The following TMEM14B variants were observed in gnomAD, a reference collection of about 807,000 sequenced individuals.
TMEM14B encodes the protein transmembrane protein 14B.
Under a neutral mutation model 14.8 loss-of-function variants are expected in TMEM14B, and 9 were observed. The observed-to-expected ratio is 0.61, with a 90% CI of 0.37 to 1.06. TMEM14B has a LOEUF of 1.06. Ranked by LOEUF, TMEM14B falls within the 50% of genes least tolerant of loss-of-function variation. The probability of loss-of-function intolerance (pLI) is 0.01; values close to 1 mark genes in which losing one functional copy is unlikely to be tolerated. For synonymous variants in TMEM14B, 40 were observed against 51.3 expected (o/e 0.78, Z 0.94); for missense variants, 128 against 143.6 (o/e 0.89, Z 0.56).
At chr6:10,749,814 A>G in intron 3 of TMEM14B, 116 bp downstream of exon 3, 6 of 1,219,030 alleles carry the variant, frequency 4.9e-6, no homozygotes, top group Admixed American at 1.7e-5. Context: ...TAGGTCCCCA[A>G]GCTGGAGTGC....
chr6:10,756,432 T>C, intron 5 of TMEM14B, 35 bp from the exon 6 acceptor site: 1 of 1,611,984 alleles, frequency 6.2e-7, no homozygotes, highest in Non-Finnish European at 8.5e-7. Context: ...TTCTATCCTT[T>C]ACCTGATGTT....
intron 4 of TMEM14B, among the ~76,000 whole-genome samples, chr6:10,754,056 C>G (rs556948658): frequency 6.6e-6 from 1 of 152,022 alleles, no homozygotes; most frequent in African/African-American, 2.4e-5. Flanking sequence ...GGCGGATTGC[C>G]GAGCTCAGGA....
intron 5 of TMEM14B, 44 bp from the exon 6 acceptor site, chr6:10,756,423 T>G: frequency 1.2e-6 from 2 of 1,609,384 alleles, no homozygotes; most frequent in Non-Finnish European, 1.7e-6. Flanking sequence ...AGTTGCCTGT[T>G]CTATCCTTTA....
chr6:10,754,817 G>A (rs1309540287), intron 4 of TMEM14B, among the ~76,000 whole-genome samples: 9 of 152,240 alleles, frequency 5.9e-5, no homozygotes, highest in Non-Finnish European at 1.0e-4. Context: ...TCTGCAGGGC[G>A]ATAGCATCTG....
At chr6:10,756,140 T>G (rs1392902786) in intron 5 of TMEM14B, among the ~76,000 whole-genome samples, 1 of 152,194 alleles carries the variant, frequency 6.6e-6, no homozygotes, top group African/African-American at 2.4e-5. Context: ...AACAGTAAAC[T>G]GAGAGGCTGG....
rs1771387189 is a variant in TMEM14B at position 10,747,856 on chromosome 6, T to A, written c.-70T>A. On this transcript the variant is annotated 5_prime_UTR_variant, in exon 1 of 6. Coordinates refer to ENST00000379542, the MANE Select transcript of TMEM14B (RefSeq NM_030969.5). ...GCTGTGTCCCGCGGCTTGCGCTCCG[T>A]AGTGGACTCCGCGGGCCTTCGGCAG... is the stretch of plus-strand genomic sequence containing the variant. 1 of 152,306 alleles carries A rather than the reference T, an allele frequency of 6.6e-6. No homozygotes were observed. Among genetic ancestry groups the A allele is most frequent in the East Asian group, 1.9e-4 (1 of 5,204 alleles). 9.4% of individuals were successfully genotyped at this position (152,306 alleles called of 1,614,324 possible).
chr6:10,750,941 G>A (rs920942885), intron 3 of TMEM14B, among the ~76,000 whole-genome samples, 192 bp from the exon 4 acceptor site: 1 of 151,966 alleles, frequency 6.6e-6, no homozygotes, highest in African/African-American at 2.4e-5. Context: ...GAGAAAAATG[G>A]GGTGGGAAGA....
chr6:10,758,126 ACT>A (rs1366836284), downstream of TMEM14B, among the ~76,000 whole-genome samples: 1 of 151,970 alleles, frequency 6.6e-6, no homozygotes, highest in Non-Finnish European at 1.5e-5. Flanking sequence ...TTTTTATAGG[ACT>A]CTGGACAATT....
intron 3 of TMEM14B, chr6:10,750,174 T>A (rs1561913426): frequency 6.6e-6 from 1 of 151,804 alleles, no homozygotes; most frequent in African/African-American, 2.6e-5. Context: ...TGATCTTCTA[T>A]TTTTTTTTTA....
At position 10,753,830 on chromosome 6, in the gene TMEM14B, CTTTTTCA is replaced by C. The variant is rs1771691711; in HGVS notation, c.203-1310_203-1304del. ...TCTAGCCCTTATCCTGAGTTGTCCT[CTTTTTCA>C]TCTGCACAGCCATCGTCCTAGTCCC... On this transcript the variant is annotated intron_variant, in intron 4 of 5. Transcript: ENST00000379542. Among the ~76,000 whole-genome samples the C allele has an allele frequency of 2.0e-5, 3 of 151,046 alleles. 1 individual carries two copies. Among genetic ancestry groups the C allele is most frequent in the African/African-American group, 7.4e-5 (3 of 40,400 alleles).
At chr6:10,747,909 T>C (rs1008624095) in intron 1 of TMEM14B, 28 bp downstream of exon 1, 2 of 152,306 alleles carry the variant, frequency 1.3e-5, no homozygotes, top group Non-Finnish European at 2.9e-5. Context: ...GAGAGTATTG[T>C]TTTTATTTTC....
At chr6:10,753,311 G>C (rs1771664022) in intron 4 of TMEM14B, among the ~76,000 whole-genome samples, 1 of 152,066 alleles carries the variant, frequency 6.6e-6, no homozygotes, top group African/African-American at 2.4e-5. Context: ...TTCTGTCCCT[G>C]TGTTTGTGGA....
downstream of TMEM14B, among the ~76,000 whole-genome samples, chr6:10,758,616 A>G (rs550207597): frequency 4.3e-3 from 653 of 152,292 alleles, 4 homozygotes; most frequent in African/African-American, 0.015. Context: ...CAAAGGCAGT[A>G]TAGAAATAAG....
chr6:10,755,576 GA>G, intron 5 of TMEM14B: 2 of 1,264,888 alleles, frequency 1.6e-6, no homozygotes, highest in Non-Finnish European at 9.9e-7. Flanking sequence ...GTCTTTTGTA[GA>G]AAATTTTGCT....
chr6:10,750,861 A>G (rs1034811517), intron 3 of TMEM14B, among the ~76,000 whole-genome samples: 5 of 152,046 alleles, frequency 3.3e-5, no homozygotes, highest in African/African-American at 1.2e-4. Flanking sequence ...GCCTAGTCAT[A>G]GTTCTGTCTA....
intron 4 of TMEM14B, among the ~76,000 whole-genome samples, chr6:10,753,642 T>C (rs9461128): frequency 0.17 from 25,098 of 151,842 alleles, 6,575 homozygotes; most frequent in African/African-American, 0.55. Flanking sequence ...TATTCATCTG[T>C]CCACTTTCCT....
chr6:10,755,955 C>CAA (rs34267767), intron 5 of TMEM14B: 5,523 of 128,604 alleles, frequency 0.043, 311 homozygotes, highest in African/African-American at 0.13. Flanking sequence ...GAGTCTGTCT[C>CAA]AAAAAAAAAA....
intron 4 of TMEM14B, among the ~76,000 whole-genome samples, chr6:10,753,481 CA>C (rs1771671756): frequency 6.6e-6 from 1 of 151,992 alleles, no homozygotes; most frequent in African/African-American, 2.4e-5. Context: ...TCTCTTTTGG[CA>C]ACCTATTTTC....
Position 10,751,158 on chromosome 6 carries a change from G to C in TMEM14B, c.126G>C (p.Gly42=), listed in dbSNP as rs193155234. 1.9e-6 allele frequency: 3 copies of C among 1,613,906 alleles called. No individual in the cohort carries two copies. The highest frequency in any genetic ancestry group is 1.7e-5 in the Admixed American group (1 of 60,002). ...GCAGCGTGCCGTCCCTGGCTGCAGG[G>C]CTGCTCTTCGGCAGTCTAGCCGGCC... ...KTGSVPSLAA[G]LLFGSLAGLG... is the part of the protein sequence containing the mutation. The change falls in exon 4 of 6, where the codon GGG becomes GGC. Residue 42 remains glycine, a synonymous_variant. Transcript: ENST00000379542.
Sources: allele counts gnomAD v4.1 joint callset (sites outside exome capture counted in the v4.1 genomes callset), GRCh38; gene constraint gnomAD v4.1.1; transcripts MANE v1.5; gene names NCBI Gene and HGNC (gene_info 2026-07-23, HGNC 2026-07-21).